The following CASP9 variants were observed in gnomAD, a reference collection of about 807,000 sequenced individuals.
The protein encoded by CASP9 is caspase 9, also known as caspase-9.
CASP9 carries 29 observed loss-of-function variants against 43.5 expected under a neutral mutation model. That is an observed-to-expected ratio of 0.67 (90% CI 0.50 to 0.91). The LOEUF (loss-of-function observed/expected upper bound fraction) is 0.91. Ranked by LOEUF, CASP9 falls within the 40% of genes least tolerant of loss-of-function variation. The pLI, the probability that CASP9 is intolerant of heterozygous loss-of-function variation, is 0.00. For missense variants in CASP9, 575 were observed against 537.4 expected (o/e 1.07, Z -0.69); for synonymous variants, 206 against 211.9 (o/e 0.97, Z 0.24).
intron 4 of CASP9, 46 bp from the exon 5 acceptor site, chr1:15,506,125 G>C (rs746308911): frequency 7.8e-7 from 1 of 1,277,330 alleles, no homozygotes; most frequent in Non-Finnish European, 1.1e-6. Flanking sequence ...GATAGGTCTA[G>C]ATGCAGACTG....
intron 6 of CASP9, among the ~76,000 whole-genome samples, chr1:15,503,008 T>C (rs1709384832): frequency 6.6e-6 from 1 of 151,924 alleles, no homozygotes; most frequent in Non-Finnish European, 1.5e-5. Context: ...CACTGGGTCC[T>C]CCGGGGTGGG....
chr1:15,520,887 G>T (rs185614304), intron 1 of CASP9, among the ~76,000 whole-genome samples: 2 of 152,238 alleles, frequency 1.3e-5, no homozygotes, highest in African/African-American at 4.8e-5. Context: ...GCTGGGCGCG[G>T]TGGCTCAAGC....
At position 15,491,676 on chromosome 1, in the gene CASP9, T is replaced by G. The variant is rs1190678199; in HGVS notation, c.*1267A>C. On this transcript the variant is annotated 3_prime_UTR_variant, in exon 9 of 9. Transcript: ENST00000333868. ...AGGTGGCTGAGGTGGAAGGATCTCT[T>G]GAGCCCAGGAGGTCGAGACTGCAAT... 1.4e-5 allele frequency: 3 copies of G among 217,190 alleles called. No individual in the cohort carries two copies. In the Admixed American group the frequency reaches 1.5e-4, roughly 11 times the overall value. 13.5% of individuals were successfully genotyped at this position (217,190 alleles called of 1,614,324 possible). A position where few individuals can be genotyped will look rare whatever the true frequency, so the allele number is the denominator to read the frequency against.
chr1:15,493,470 G>T, intron 8 of CASP9: 3 of 1,275,396 alleles, frequency 2.4e-6, no homozygotes, highest in Non-Finnish European at 3.0e-6. Flanking sequence ...CCTCACTGGG[G>T]CCTCCTGAGA....
chr1:15,503,729 G>A (rs996072448), intron 6 of CASP9, among the ~76,000 whole-genome samples: 2 of 152,192 alleles, frequency 1.3e-5, no homozygotes, highest in African/African-American at 2.4e-5. Flanking sequence ...GCTGGACAGC[G>A]CTATGGTATA....
chr1:15,510,704 G>A (rs892563253), intron 2 of CASP9, among the ~76,000 whole-genome samples: 42 of 152,126 alleles, frequency 2.8e-4, no homozygotes, highest in African/African-American at 7.5e-4. Flanking sequence ...AGGCAGGGAG[G>A]ATGCAGGAGC....
intron 6 of CASP9, among the ~76,000 whole-genome samples, chr1:15,496,747 G>A (rs1235311162): frequency 3.3e-5 from 5 of 152,200 alleles, no homozygotes; most frequent in Non-Finnish European, 7.3e-5. Flanking sequence ...AAAGAAAGAA[G>A]GCTGGATGCC....
At chr1:15,496,032 C>G (rs1306886990) in intron 6 of CASP9, among the ~76,000 whole-genome samples, 1 of 152,120 alleles carries the variant, frequency 6.6e-6, no homozygotes, top group East Asian at 1.9e-4. Flanking sequence ...ATTTGGAACC[C>G]TAAAATTCAT....
Position 15,508,341 on chromosome 1 carries a change from A to G in CASP9, c.419-434T>C, listed in dbSNP as rs1041937385. Among the ~76,000 whole-genome samples the G allele has an allele frequency of 4.6e-5, 7 of 152,354 alleles. 1 individual carries two copies. The highest frequency in any genetic ancestry group is 4.6e-4 in the Admixed American group (7 of 15,296). On this transcript the variant is annotated intron_variant, in intron 2 of 8. Coordinates refer to ENST00000333868, the MANE Select transcript of CASP9 (RefSeq NM_001229.5). ...AAAGAAATTATTTAGGCAGATAGTG[A>G]GGGTAAAACAGTCCTCGGCAGAATT...
At chr1:15,504,161 C>T (rs916533385) in intron 6 of CASP9, among the ~76,000 whole-genome samples, 1 of 152,152 alleles carries the variant, frequency 6.6e-6, no homozygotes, top group Admixed American at 6.5e-5. Flanking sequence ...AAATGTTCCT[C>T]GAACCCCCAC....
chr1:15,509,474 A>G (rs959198958), intron 2 of CASP9, among the ~76,000 whole-genome samples: 13 of 151,038 alleles, frequency 8.6e-5, no homozygotes, highest in South Asian at 2.1e-4. Flanking sequence ...AAAAAAAAAA[A>G]AAAAAGAAAA....
intron 5 of CASP9, among the ~76,000 whole-genome samples, chr1:15,505,187 A>G (rs1570844050): frequency 6.6e-6 from 1 of 152,262 alleles, no homozygotes; most frequent in Non-Finnish European, 1.5e-5. Context: ...AAATCAGTTC[A>G]GCTCAGACCT....
intron 1 of CASP9, 79 bp downstream of exon 1, chr1:15,523,990 C>G (rs929081896): frequency 8.9e-7 from 1 of 1,122,186 alleles, no homozygotes; most frequent in Non-Finnish European, 1.2e-6. Flanking sequence ...ACAGGGAAGG[C>G]TAGGCTCCCG....
chr1:15,515,320 T>C lies in CASP9; in HGVS notation c.418+2790A>G, dbSNP rs372067104. On this transcript the variant is annotated intron_variant, in intron 2 of 8. Coordinates refer to ENST00000333868, the MANE Select transcript of CASP9 (RefSeq NM_001229.5). ...AAGCAAATGCAGCTTCCTACCCTTA[T>C]CATGTTTGTCTGTTTCTCTGCTTTA... Among the ~76,000 whole-genome samples, 16 of 152,354 alleles carry C rather than the reference T, an allele frequency of 1.1e-4. No individual in the cohort carries two copies. In the East Asian group the frequency reaches 2.9e-3, roughly 28 times the overall value.
intron 5 of CASP9, among the ~76,000 whole-genome samples, 188 bp from the exon 6 acceptor site, chr1:15,504,946 G>T (rs1405425536): frequency 6.6e-6 from 1 of 152,210 alleles, no homozygotes; most frequent in Non-Finnish European, 1.5e-5. Context: ...TGACAGCAAG[G>T]GGTTGCATGT....
chr1:15,507,062 C>G lies in CASP9; in HGVS notation c.467G>C (p.Ser156Thr). The change falls in exon 4 of 9, where the codon AGC becomes ACC. Residue 156 changes from serine to threonine, a missense_variant. By Grantham distance (58) the Ser-to-Thr change is moderately conservative. Transcript: ENST00000333868. ...RGNADLAYIL[S>T]MEPCGHCLII... ...GAGGCAGTGGCCACAGGGCTCCATGCTCAGGATGTAAGCCTGCCAGCACAG... is the reference window on the plus strand; with the variant it reads ...GAGGCAGTGGCCACAGGGCTCCATGGTCAGGATGTAAGCCTGCCAGCACAG... 1 of 1,614,094 alleles carries G rather than the reference C, an allele frequency of 6.2e-7. No individual in the cohort carries two copies. The highest frequency in any genetic ancestry group is 8.5e-7 in the Non-Finnish European group (1 of 1,179,972).
At chr1:15,494,104 T>A in intron 7 of CASP9, 103 bp from the exon 8 acceptor site, 1 of 1,420,138 alleles carries the variant, frequency 7.0e-7, no homozygotes, top group Non-Finnish European at 9.5e-7. Flanking sequence ...CTCCAGACCT[T>A]GACTCATACA....
intron 6 of CASP9, among the ~76,000 whole-genome samples, chr1:15,497,717 A>G (rs1261225135): frequency 6.6e-6 from 1 of 152,182 alleles, no homozygotes; most frequent in Non-Finnish European, 1.5e-5. Context: ...AAAGATCTCA[A>G]TACTACCCAA....
At chr1:15,509,432 T>A (rs1177179669) in intron 2 of CASP9, among the ~76,000 whole-genome samples, 1 of 133,006 alleles carries the variant, frequency 7.5e-6, no homozygotes, top group African/African-American at 2.9e-5. Context: ...CTGGCCAACG[T>A]GGTGAAACCC....
Sources: gnomAD v4.1 joint callset for allele counts (sites outside exome capture counted in the v4.1 genomes callset) on GRCh38, gnomAD v4.1.1 for gene constraint, MANE v1.5 for transcripts, NCBI Gene and HGNC (gene_info 2026-07-23, HGNC 2026-07-21) for gene names.